MACROD2: variants seen among roughly 807,000 people sequenced by gnomAD.
The protein encoded by MACROD2 is ADP-ribose glycohydrolase MACROD2.
MACROD2 carries 36 observed loss-of-function variants against 70.4 expected under a neutral mutation model. The observed-to-expected ratio is 0.51, with a 90% confidence interval of 0.39 to 0.68. MACROD2 has a LOEUF of 0.68. MACROD2 is among the 30% of genes least tolerant of loss of function. MACROD2 has a pLI of 0.00. For synonymous variants in MACROD2, 172 were observed against 178.8 expected (o/e 0.96, Z 0.30); for missense variants, 496 against 538.4 (o/e 0.92, Z 0.78).
In MACROD2 at chr20:15,783,759, G is replaced by C. The variant is rs6131705; in HGVS notation, c.646-78986G>C. Among the ~76,000 whole-genome samples the C allele has an allele frequency of 5.1e-4, 78 of 152,108 alleles. 2 individuals carry two copies. Among genetic ancestry groups the C allele is most frequent in the Non-Finnish European group, 2.2e-4 (15 of 68,014 alleles). ...AGCTTTTGCAACCAGTGTGTCTCCA[G>C]TTGCCTCTCTTTCCCCGTAGCCAGA... is the stretch of plus-strand genomic sequence containing the variant. On this transcript the variant is annotated intron_variant, in intron 8 of 17. Coordinates refer to ENST00000684519, the MANE Select transcript of MACROD2 (RefSeq NM_001351661.2).
At chr20:14,339,871 G>T (rs1053426654) in intron 3 of MACROD2, among the ~76,000 whole-genome samples, 1 of 152,168 alleles carries the variant, frequency 6.6e-6, no homozygotes, top group Non-Finnish European at 1.5e-5. Flanking sequence ...ACTCTTAGTA[G>T]AATCTGTGGC....
chr20:14,084,020 C>G (rs1197344085), intron 2 of MACROD2, among the ~76,000 whole-genome samples: 1 of 134,672 alleles, frequency 7.4e-6, no homozygotes, highest in Non-Finnish European at 1.5e-5. Flanking sequence ...CGAGATCGCG[C>G]CACTGCACTC....
chr20:15,301,952 G>A (rs564423515), intron 6 of MACROD2, among the ~76,000 whole-genome samples: 1 of 152,196 alleles, frequency 6.6e-6, no homozygotes, highest in East Asian at 1.9e-4. Context: ...CAACCCACCA[G>A]TATAAAACAC....
chr20:14,461,156 G>A (rs2084365814), intron 3 of MACROD2, among the ~76,000 whole-genome samples: 1 of 152,016 alleles, frequency 6.6e-6, no homozygotes. Context: ...AGTCTTGGGA[G>A]GGTGTATGTG....
chr20:15,084,738 T>G (rs1482346179), intron 5 of MACROD2, among the ~76,000 whole-genome samples: 1 of 152,186 alleles, frequency 6.6e-6, no homozygotes. Flanking sequence ...CAGTTCTTCC[T>G]TGGCAACAGA....
At chr20:15,309,699 A>G (rs917922621) in intron 6 of MACROD2, among the ~76,000 whole-genome samples, 3 of 152,226 alleles carry the variant, frequency 2.0e-5, no homozygotes, top group South Asian at 2.1e-4. Context: ...GGAAACAGAC[A>G]TGAGACAAAT....
chr20:14,921,876 T>C (rs6135309), intron 5 of MACROD2, among the ~76,000 whole-genome samples: 40,962 of 152,158 alleles, frequency 0.27, 6,143 homozygotes, highest in South Asian at 0.51. Flanking sequence ...TTCCTGTGAA[T>C]GTACAATCAT....
chr20:15,821,101 G>A (rs1035573388), intron 8 of MACROD2, among the ~76,000 whole-genome samples: 5 of 152,010 alleles, frequency 3.3e-5, no homozygotes, highest in African/African-American at 1.2e-4. Flanking sequence ...TCTTAGTAGT[G>A]TCTTAATGAC....
At chr20:14,545,069 A>G (rs1194525604) in intron 4 of MACROD2, among the ~76,000 whole-genome samples, 2 of 152,212 alleles carry the variant, frequency 1.3e-5, no homozygotes, top group African/African-American at 4.8e-5. Flanking sequence ...CACTTGATGA[A>G]GATGGGAACA....
intron 6 of MACROD2, among the ~76,000 whole-genome samples, chr20:15,242,675 C>CTAA (rs2077069973): frequency 6.6e-6 from 1 of 151,858 alleles, no homozygotes; most frequent in Non-Finnish European, 1.5e-5. Flanking sequence ...TTTGTGGTAT[C>CTAA]TAATAAATGA....
intron 8 of MACROD2, among the ~76,000 whole-genome samples, chr20:15,848,043 C>A (rs1467624213): frequency 1.3e-5 from 2 of 152,074 alleles, no homozygotes; most frequent in Non-Finnish European, 2.9e-5. Flanking sequence ...GTTTTCTTTC[C>A]CTTTCCATTC....
At chr20:15,291,809 T>C (rs528520428) in intron 6 of MACROD2, among the ~76,000 whole-genome samples, 74 of 152,286 alleles carry the variant, frequency 4.9e-4, no homozygotes, top group African/African-American at 1.7e-3. Context: ...ATCATCTTTG[T>C]TTCCAAAAAT....
intron 3 of MACROD2, among the ~76,000 whole-genome samples, chr20:14,478,794 T>C (rs755536404): frequency 6.6e-6 from 1 of 152,202 alleles, no homozygotes; most frequent in Non-Finnish European, 1.5e-5. Flanking sequence ...CCTACTTTAG[T>C]GGGCAGTAGT....
At chr20:15,334,194 C>T (rs2078023565) in intron 6 of MACROD2, among the ~76,000 whole-genome samples, 1 of 151,612 alleles carries the variant, frequency 6.6e-6, no homozygotes, top group East Asian at 1.9e-4. Flanking sequence ...TGTCAACTAG[C>T]TTTCTTGTGT....
intron 8 of MACROD2, among the ~76,000 whole-genome samples, chr20:15,847,167 T>C (rs1337667934): frequency 6.6e-6 from 1 of 152,190 alleles, no homozygotes; most frequent in Non-Finnish European, 1.5e-5. Flanking sequence ...AGCTTTCTTC[T>C]CCTCAACATT....
intron 8 of MACROD2, among the ~76,000 whole-genome samples, chr20:15,808,920 A>G (rs1461937778): frequency 6.6e-6 from 1 of 152,214 alleles, no homozygotes; most frequent in Non-Finnish European, 1.5e-5. Flanking sequence ...CTCTTAAAAT[A>G]TATAAACCAT....
intron 2 of MACROD2, among the ~76,000 whole-genome samples, chr20:14,066,851 G>T (rs192489226): frequency 5.8e-5 from 7 of 120,296 alleles, no homozygotes; most frequent in Non-Finnish European, 1.1e-4. Context: ...TGCTCTGTCC[G>T]CCCAGGCTGG....
intron 3 of MACROD2, among the ~76,000 whole-genome samples, chr20:14,198,765 T>C (rs1384864194): frequency 5.9e-5 from 9 of 152,130 alleles, no homozygotes; most frequent in South Asian, 2.1e-4. Context: ...TCTTCCTCTC[T>C]CCTTAAAACA....
intron 7 of MACROD2, among the ~76,000 whole-genome samples, chr20:15,489,155 A>C (rs555665856): frequency 6.6e-6 from 1 of 152,336 alleles, no homozygotes; most frequent in African/African-American, 2.4e-5. Flanking sequence ...AAAGTGTCTC[A>C]AGACCAAAGC....
Sources: allele counts gnomAD v4.1 joint callset (sites outside exome capture counted in the v4.1 genomes callset), GRCh38; gene constraint gnomAD v4.1.1; transcripts MANE v1.5; gene names NCBI Gene and HGNC (gene_info 2026-07-23, HGNC 2026-07-21).